Variants in SPTBN4 observed in about 807,000 individuals in gnomAD.
SPTBN4 encodes spectrin beta chain, non-erythrocytic 4.
Under a neutral mutation model 277.8 loss-of-function variants are expected in SPTBN4, and 96 were observed. That is an observed-to-expected ratio of 0.35 (90% confidence interval 0.29 to 0.41). The LOEUF (loss-of-function observed/expected upper bound fraction) is 0.41, where lower values mean the gene tolerates loss of function less well. Ranked by LOEUF, SPTBN4 falls within the 10% of genes least tolerant of loss-of-function variation. The probability of loss-of-function intolerance (pLI) is 1.00; values close to 1 mark genes in which losing one functional copy is unlikely to be tolerated. For synonymous variants in SPTBN4, 1,481 were observed against 1,580.3 expected (o/e 0.94, Z 1.49); for missense variants, 3,006 against 3,595.7 (o/e 0.84, Z 4.19).
At chr19:40,566,393 C>A (rs1289120948) in intron 30 of SPTBN4, 34 bp downstream of exon 30, 8 of 1,470,220 alleles carry the variant, frequency 5.4e-6, no homozygotes, top group Admixed American at 2.2e-5. Context: ...ATTACCCCCA[C>A]CCCCACCAAG....
At chr19:40,520,382 T>C (rs530656714) in intron 16 of SPTBN4, among the ~76,000 whole-genome samples, 36 of 152,228 alleles carry the variant, frequency 2.4e-4, no homozygotes, top group Middle Eastern at 6.8e-3. Context: ...GTGGGGTAGG[T>C]TGGTGTCTTA....
At position 40,504,109 on chromosome 19, in the gene SPTBN4, G is replaced by A; in HGVS notation, c.1642G>A (p.Val548Met). 1 of 1,601,976 alleles carries A rather than the reference G, an allele frequency of 6.2e-7. No individual in the cohort carries two copies. The highest frequency in any genetic ancestry group is 8.5e-7 in the Non-Finnish European group (1 of 1,172,512). ...QKVFQEMVYMVDWMEEMQAQL... is the reference protein window; with the variant it reads ...QKVFQEMVYMMDWMEEMQAQL... ...GGTCTTCCAGGAGATGGTGTACATG[G>A]TGGACTGGATGGAGGAGATGCAGGT... is the stretch of plus-strand genomic sequence containing the variant. Residue 548 changes from valine to methionine, a missense_variant, in exon 12 of 36, where the codon GTG (valine) becomes ATG (methionine). Val to Met is a conservative substitution (Grantham distance 21, BLOSUM62 1). Around this residue, in one of 5 missense-constraint regions of SPTBN4, gnomAD observed 1,759 missense variants for 2,061.5 expected, o/e 0.85. Transcript: ENST00000598249.
intron 2 of SPTBN4, among the ~76,000 whole-genome samples, chr19:40,481,096 G>C (rs1255195842): frequency 6.6e-6 from 1 of 152,042 alleles, no homozygotes; most frequent in Non-Finnish European, 1.5e-5. Context: ...AAATGGTGGT[G>C]TTCTCAAGTT....
chr19:40,529,848 G>C (rs974963179), intron 18 of SPTBN4, among the ~76,000 whole-genome samples: 11 of 151,880 alleles, frequency 7.2e-5, no homozygotes, highest in African/African-American at 2.7e-4. Context: ...TCATCACCCC[G>C]TACCTAAGTT....
chr19:40,498,638 C>T (rs1265455386), intron 7 of SPTBN4, among the ~76,000 whole-genome samples: 11 of 151,668 alleles, frequency 7.3e-5, no homozygotes, highest in Non-Finnish European at 1.6e-4. Flanking sequence ...ATCTCCTGAC[C>T]TTATGGTCCA....
At position 40,512,771 on chromosome 19, in the gene SPTBN4, G is replaced by A. The variant is rs2080405509; in HGVS notation, c.1982G>A (p.Arg661His). The change falls in exon 14 of 36, where the codon CGC (arginine) becomes CAC (histidine). Residue 661 changes from arginine (R) to histidine (H), a missense_variant. Around this residue, in one of 5 missense-constraint regions of SPTBN4, gnomAD observed 1,759 missense variants for 2,061.5 expected, o/e 0.85. Coordinates refer to ENST00000598249, the MANE Select transcript of SPTBN4 (RefSeq NM_020971.3). ...CTGGAGGAGGCCGAGAGCTGGGCGC[G>A]CGACAAGGAGCGTCTCCTGGAGGCT... ...QELEEAESWA[R>H]DKERLLEAAG... is the part of the protein sequence containing the mutation. The A allele has an allele frequency of 1.6e-5, 24 of 1,505,746 alleles. No individual in the cohort carries two copies. Among genetic ancestry groups the A allele is most frequent in the Non-Finnish European group, 2.0e-5 (23 of 1,136,166 alleles). 93.3% of individuals were successfully genotyped at this position (1,505,746 alleles called of 1,614,324 possible). A position where few individuals can be genotyped will look rare whatever the true frequency, so the allele number is the denominator to read the frequency against.
At position 40,487,802 on chromosome 19, in the gene SPTBN4, G is replaced by A; in HGVS notation, c.275G>A (p.Gly92Asp). 6.2e-7 allele frequency: 1 copy of A among 1,611,494 alleles called. No individual in the cohort carries two copies. Among genetic ancestry groups the A allele is most frequent in the African/African-American group, 1.3e-5 (1 of 74,928 alleles). ...GACCTCTATGTGGACCTCCGGGACGGCTTCGTGCTCACGCGGCTCCTGGAA... is the reference window on the plus strand; with the variant it reads ...GACCTCTATGTGGACCTCCGGGACGACTTCGTGCTCACGCGGCTCCTGGAA... Reference protein sequence around the residue: ...IGDLYVDLRDGFVLTRLLEVL... With the variant: ...IGDLYVDLRDDFVLTRLLEVL... The change falls in exon 3 of 36, where the codon GGC becomes GAC. Residue 92 changes from glycine to aspartate, a missense_variant. This residue lies in a region of SPTBN4 where 114 missense variants were observed against 196.1 expected (regional missense o/e 0.58). Transcript: ENST00000598249.
chr19:40,554,273 A>G lies in SPTBN4; in HGVS notation c.4801A>G (p.Ser1601Gly), dbSNP rs1218013266. ...GCGCCGGGGCCTGGAGCAGCTGCAG[A>G]GCGCCTGGGCCGGACTGCGGGAGGC... The part of the protein sequence containing the change: ...AVRRGLEQLQ[S>G]AWAGLREAAE... The change falls in exon 23 of 36, where the codon AGC becomes GGC. Residue 1601 changes from serine (S) to glycine (G), a missense_variant. Transcript: ENST00000598249. The surrounding 1 kb of genome is among the most constrained non-coding windows in gnomAD (Gnocchi z 5.7). 6.5e-7 allele frequency: 1 copy of G among 1,534,514 alleles called. No homozygotes were observed. Among genetic ancestry groups the G allele is most frequent in the Non-Finnish European group, 8.7e-7 (1 of 1,146,864 alleles).
Position 40,558,124 on chromosome 19 carries a change from T to G in SPTBN4, c.5670+721T>G, listed in dbSNP as rs369468178. Among the ~76,000 whole-genome samples, 18 of 148,108 alleles carry G rather than the reference T, an allele frequency of 1.2e-4. 1 individual carries two copies. The highest frequency in any genetic ancestry group is 4.5e-4 in the African/African-American group (18 of 40,178). On this transcript the variant is annotated intron_variant, in intron 26 of 35. Transcript: ENST00000598249. ...CCTGTAATCCCAACACTTTGGGAGG[T>G]CGAGGCGGGCAGATCATGAGGTCAG...
intron 26 of SPTBN4, among the ~76,000 whole-genome samples, chr19:40,559,426 T>C (rs1025624659): frequency 1.3e-5 from 2 of 152,192 alleles, no homozygotes; most frequent in African/African-American, 2.4e-5. Flanking sequence ...CCTGGGAGGA[T>C]TGCTTGAGCC....
intron 32 of SPTBN4, 77 bp from the exon 33 acceptor site, chr19:40,570,359 A>G (rs2145959437): frequency 1.0e-6 from 1 of 957,922 alleles, no homozygotes; most frequent in Non-Finnish European, 1.5e-6. Context: ...GGGACCCCAG[A>G]CCCATGACTC....
At position 40,527,005 on chromosome 19, in the gene SPTBN4, G is replaced by A. The variant is rs572507407; in HGVS notation, c.3858-2036G>A. ...AGATTGATTTCAGCTCAATTTCAGA[G>A]GCATTTTATCTTTCCTGGCTCCTAA... On this transcript the variant is annotated intron_variant, in intron 17 of 35. Transcript: ENST00000598249. Among the ~76,000 whole-genome samples the A allele has an allele frequency of 6.6e-5, 10 of 152,298 alleles. No homozygotes were observed. The East Asian group carries it at 1.7e-3, about 26-fold the overall frequency.
chr19:40,538,307 T>C (rs2080761254), intron 20 of SPTBN4, among the ~76,000 whole-genome samples: 1 of 150,684 alleles, frequency 6.6e-6, no homozygotes. Flanking sequence ...GAGAATCGCT[T>C]GAACTTGAGA....
intron 1 of SPTBN4, among the ~76,000 whole-genome samples, chr19:40,470,421 C>G (rs767636942): frequency 8.5e-5 from 13 of 152,214 alleles, no homozygotes; most frequent in Non-Finnish European, 1.3e-4. Context: ...ATTCTCCTGC[C>G]TCAGCCTCCT....
intron 2 of SPTBN4, among the ~76,000 whole-genome samples, chr19:40,481,365 ATATC>A (rs1333489797): frequency 6.6e-6 from 1 of 152,134 alleles, no homozygotes; most frequent in Non-Finnish European, 1.5e-5. Flanking sequence ...AAGTGAGTGC[ATATC>A]TAACTTTAGT....
chr19:40,571,676 A>G (rs1163266103), intron 33 of SPTBN4: 1 of 207,382 alleles, frequency 4.8e-6, no homozygotes, highest in Non-Finnish European at 9.6e-6. Context: ...ACAGTAGACC[A>G]ATAGACTTTC....
intron 7 of SPTBN4, 36 bp from the exon 8 acceptor site, chr19:40,501,885 C>T (rs928768341): frequency 1.3e-6 from 2 of 1,568,234 alleles, no homozygotes; most frequent in Non-Finnish European, 1.7e-6. Context: ...GTCAAAGTGC[C>T]CACTGTCTTG....
At chr19:40,479,111 A>G (rs1232183807) in intron 2 of SPTBN4, among the ~76,000 whole-genome samples, 1 of 150,376 alleles carries the variant, frequency 6.6e-6, no homozygotes, top group Non-Finnish European at 1.5e-5. Context: ...TCCCGCTTTT[A>G]TTTTGAGGCA....
chr19:40,571,842 C>T (rs1010437154), intron 33 of SPTBN4, 177 bp from the exon 34 acceptor site: 13 of 574,550 alleles, frequency 2.3e-5, no homozygotes, highest in Admixed American at 8.8e-5. Flanking sequence ...CTTAAATGCT[C>T]CCCTCAGGGC....
Sources: gnomAD v4.1 joint callset for allele counts (sites outside exome capture counted in the v4.1 genomes callset) on GRCh38, gnomAD v4.1.1 for gene constraint, gnomAD v4.1.1 regional missense constraint, Gnocchi (gnomAD v3.1) non-coding constraint, MANE v1.5 for transcripts, NCBI Gene and HGNC (gene_info 2026-07-23, HGNC 2026-07-21) for gene names.